Variants in EZH2 observed in about 807,000 individuals in gnomAD.
The protein encoded by EZH2 is enhancer of zeste 2 polycomb repressive complex 2 subunit.
Under a neutral mutation model 98.4 loss-of-function variants are expected in EZH2, and 18 were observed. The ratio of observed to expected loss-of-function variants is 0.18; its 90% confidence interval spans 0.13 to 0.27. The LOEUF (loss-of-function observed/expected upper bound fraction) is 0.27. Among genes scored for constraint, EZH2 ranks in the 10% least tolerant of loss-of-function variants. The pLI, the probability that EZH2 is intolerant of heterozygous loss-of-function variation, is 1.00. For synonymous variants in EZH2, 338 were observed against 312.3 expected, an observed-to-expected ratio of 1.08 and a Z score of -0.87; for missense variants, 470 against 935.1, an observed-to-expected ratio of 0.50 and a Z score of 6.49.
chr7:148,835,052 T>G (rs1810513667), intron 3 of EZH2, among the ~76,000 whole-genome samples: 1 of 152,242 alleles, frequency 6.6e-6, no homozygotes, highest in South Asian at 2.1e-4. Flanking sequence ...AATTAATTAC[T>G]GCACTGTAGT....
intron 3 of EZH2, among the ~76,000 whole-genome samples, chr7:148,842,785 G>A (rs996191585): frequency 1.3e-5 from 2 of 152,098 alleles, no homozygotes; most frequent in African/African-American, 4.8e-5. Flanking sequence ...CACATTAAGG[G>A]ACGGGTATGG....
intron 1 of EZH2, among the ~76,000 whole-genome samples, chr7:148,873,200 G>GA (rs1329288198): frequency 4.0e-5 from 6 of 151,140 alleles, no homozygotes; most frequent in Admixed American, 1.3e-4. Flanking sequence ...AAAGAAAAAA[G>GA]AAAAAAAGAG....
At chr7:148,882,593 A>G (rs1275818470) in intron 1 of EZH2, among the ~76,000 whole-genome samples, 1 of 152,242 alleles carries the variant, frequency 6.6e-6, no homozygotes, top group Non-Finnish European at 1.5e-5. Flanking sequence ...ATTCCTAAAC[A>G]TGAATTAGTT....
chr7:148,816,604 C>T, intron 12 of EZH2, 80 bp downstream of exon 12: 1 of 1,033,434 alleles, frequency 9.7e-7, no homozygotes, highest in Non-Finnish European at 1.5e-6. Flanking sequence ...AAGTAGAAAC[C>T]AACAACAGCC....
Position 148,827,274 on chromosome 7 carries a change from G to A in EZH2, c.626-8C>T, listed in dbSNP as rs1807986990. ...GTGGGCGGCTTTCTTTATCTAAACA[G>A]GAGAATATGAAAGGAAAAAAAGAAT... On this transcript the variant is annotated splice_region_variant and splice_polypyrimidine_tract_variant and intron_variant, in intron 6 of 19. Transcript: ENST00000320356. 6.3e-7 allele frequency: 1 copy of A among 1,598,916 alleles called. No individual in the cohort carries two copies. Among genetic ancestry groups the A allele is most frequent in the African/African-American group, 1.4e-5 (1 of 74,032 alleles).
chr7:148,874,874 G>T (rs1819967409), intron 1 of EZH2, among the ~76,000 whole-genome samples: 2 of 151,024 alleles, frequency 1.3e-5, no homozygotes, highest in Admixed American at 1.3e-4. Context: ...TCCAGCCTGG[G>T]GGACAGAGCA....
chr7:148,815,108 C>T (rs1054979617), intron 13 of EZH2, 69 bp from the exon 14 acceptor site: 102 of 1,551,770 alleles, frequency 6.6e-5, no homozygotes, highest in Middle Eastern at 3.6e-4. Flanking sequence ...ACAATTAACA[C>T]GAGTACATTC....
chr7:148,817,150 G>T, intron 11 of EZH2, 72 bp downstream of exon 11: 1 of 1,410,880 alleles, frequency 7.1e-7, no homozygotes, highest in Non-Finnish European at 9.5e-7. Flanking sequence ...AATTTTCTTT[G>T]TTTGGACAAC....
At chr7:148,860,818 C>T (rs1817561840) in intron 1 of EZH2, among the ~76,000 whole-genome samples, 1 of 152,126 alleles carries the variant, frequency 6.6e-6, no homozygotes, top group Non-Finnish European at 1.5e-5. Context: ...ACCACATGTG[C>T]ACACTACCAT....
chr7:148,868,252 G>A lies in EZH2; in HGVS notation c.-8+15912C>T, dbSNP rs140960708. 7.3e-3 allele frequency among the ~76,000 whole-genome samples: 1,114 copies of A among 152,242 alleles called. 9 individuals carry two copies. The highest frequency in any genetic ancestry group is 0.01 in the Non-Finnish European group (695 of 68,024). ...TTCTCACATTGCTATAAAGAGCTGA[G>A]GGTGGGTAATTTATAAAGAAAAGAG... is the stretch of plus-strand genomic sequence containing the variant. On this transcript the variant is annotated intron_variant, in intron 1 of 19. Coordinates refer to ENST00000320356, the MANE Select transcript of EZH2 (RefSeq NM_004456.5).
chr7:148,815,686 T>C (rs774378308), intron 12 of EZH2, 140 bp from the exon 13 acceptor site: 49 of 744,420 alleles, frequency 6.6e-5, no homozygotes, highest in Non-Finnish European at 9.9e-5. Context: ...CAGTTTATAT[T>C]TGCCATCAGT....
intron 1 of EZH2, among the ~76,000 whole-genome samples, chr7:148,876,588 T>C (rs555264520): frequency 6.7e-6 from 1 of 148,590 alleles, no homozygotes; most frequent in African/African-American, 2.5e-5. Context: ...CAAAGATACA[T>C]AAGGATGTTC....
At chr7:148,834,173 C>A (rs1810206273) in intron 3 of EZH2, among the ~76,000 whole-genome samples, 1 of 152,190 alleles carries the variant, frequency 6.6e-6, no homozygotes, top group African/African-American at 2.4e-5. Flanking sequence ...ATAACCACAG[C>A]ACTTTCCACC....
At chr7:148,882,137 T>C (rs2129496043) in intron 1 of EZH2, among the ~76,000 whole-genome samples, 1 of 152,322 alleles carries the variant, frequency 6.6e-6, no homozygotes, top group Non-Finnish European at 1.5e-5. Context: ...TTTGTTATAA[T>C]GTCTCAACAC....
intron 3 of EZH2, among the ~76,000 whole-genome samples, chr7:148,843,885 G>A (rs1255210557): frequency 6.6e-6 from 1 of 151,984 alleles, no homozygotes; most frequent in African/African-American, 2.4e-5. Flanking sequence ...GTGAGCCACC[G>A]CGCCCGGCCA....
intron 3 of EZH2, among the ~76,000 whole-genome samples, chr7:148,840,795 T>G (rs1374032720): frequency 6.6e-6 from 1 of 152,132 alleles, no homozygotes; most frequent in Non-Finnish European, 1.5e-5. Context: ...TAAAGCTAAA[T>G]TATGGCAAAA....
At chr7:148,827,100 T>C (rs1243299364) in intron 7 of EZH2, 64 bp downstream of exon 7, 2 of 1,289,046 alleles carry the variant, frequency 1.6e-6, no homozygotes, top group Non-Finnish European at 2.2e-6. Flanking sequence ...CCATTTGTAA[T>C]AAACCAAAAT....
chr7:148,836,783 G>A, intron 3 of EZH2: 1 of 480,452 alleles, frequency 2.1e-6, no homozygotes, highest in Non-Finnish European at 4.1e-6. Flanking sequence ...ACAGCTTACT[G>A]GTAAGTAACC....
At position 148,827,172 on chromosome 7, in the gene EZH2, T is replaced by A. The variant is rs138599119; in HGVS notation, c.720A>T (p.Leu240=). 6.2e-6 allele frequency: 10 copies of A among 1,610,158 alleles called. No individual in the cohort carries two copies. The highest frequency in any genetic ancestry group is 8.5e-6 in the Non-Finnish European group (10 of 1,178,760). ...MFPDKGTAEE[L]KEKYKELTEQ... is the part of the protein sequence containing the mutation. ...AAGGAACAAATTCTTACTTTTCCTTTAGTTCTTCTGCTGTGCCCTTATCTG... is the reference window on the plus strand; with the variant it reads ...AAGGAACAAATTCTTACTTTTCCTTAAGTTCTTCTGCTGTGCCCTTATCTG... The change falls in exon 7 of 20, where the codon CTA becomes CTT. Residue 240 remains leucine, a synonymous_variant. Coordinates refer to ENST00000320356, the MANE Select transcript of EZH2 (RefSeq NM_004456.5).
Sources: allele counts gnomAD v4.1 joint callset (sites outside exome capture counted in the v4.1 genomes callset), GRCh38; gene constraint gnomAD v4.1.1; transcripts MANE v1.5; gene names NCBI Gene and HGNC (gene_info 2026-07-23, HGNC 2026-07-21).